Variants in IGF2R observed in about 807,000 individuals in gnomAD.
IGF2R encodes insulin like growth factor 2 receptor, also known as cation-independent mannose-6-phosphate receptor.
Under a neutral mutation model 270.6 loss-of-function variants are expected in IGF2R, and 91 were observed. The observed-to-expected ratio is 0.34, with a 90% CI of 0.28 to 0.40. The LOEUF is 0.40. IGF2R is among the 10% of genes least tolerant of loss of function. The pLI, the probability that IGF2R is intolerant of heterozygous loss-of-function variation, is 1.00. For synonymous variants in IGF2R, 1,316 were observed against 1,258.9 expected (o/e 1.05, Z -0.96); for missense variants, 2,805 against 3,188.3 (o/e 0.88, Z 2.90).
intron 1 of IGF2R, among the ~76,000 whole-genome samples, chr6:159,981,674 G>T (rs77888188): frequency 0.011 from 1,631 of 152,286 alleles, 29 homozygotes; most frequent in African/African-American, 0.037. Context: ...GGAGAGACTG[G>T]CTCACACAGC....
chr6:160,060,851 T>C lies in IGF2R; in HGVS notation c.3262+134T>C, dbSNP rs147418691. 828 of 742,754 alleles carry C rather than the reference T, an allele frequency of 1.1e-3. 9 individuals carry two copies. In the African/African-American group the frequency reaches 0.013, roughly 12 times the overall value. 46.0% of individuals were successfully genotyped at this position (742,754 alleles called of 1,614,324 possible). ...TGTATGCTTGGTTATGCAGGCAGCG[T>C]GACATTTCTGTTATATATTCTCTTT... is the stretch of plus-strand genomic sequence containing the variant. On this transcript the variant is annotated intron_variant, in intron 23 of 47. Transcript: ENST00000356956.
intron 25 of IGF2R, 39 bp downstream of exon 25, chr6:160,061,967 T>C (rs757614755): frequency 1.3e-6 from 2 of 1,553,318 alleles, no homozygotes; most frequent in Non-Finnish European, 1.8e-6. Flanking sequence ...TGTCCCCGGG[T>C]GACTCCATTT....
chr6:160,046,435 G>A (rs1778070496), intron 14 of IGF2R, 63 bp from the exon 15 acceptor site: 3 of 1,498,486 alleles, frequency 2.0e-6, no homozygotes, highest in Non-Finnish European at 2.7e-6. Flanking sequence ...ACTGTGGGGT[G>A]AGACCACTCT....
intron 19 of IGF2R, among the ~76,000 whole-genome samples, chr6:160,054,151 C>T (rs990188566): frequency 2.6e-5 from 4 of 152,104 alleles, no homozygotes; most frequent in Non-Finnish European, 4.4e-5. Context: ...CAGAAACAAG[C>T]GCTGGGAGGG....
chr6:160,002,178 C>T (rs1377010339), intron 2 of IGF2R, among the ~76,000 whole-genome samples: 1 of 152,032 alleles, frequency 6.6e-6, no homozygotes, highest in Non-Finnish European at 1.5e-5. Flanking sequence ...ATCACTTGAG[C>T]CCAGAAGTTT....
intron 30 of IGF2R, 21 bp downstream of exon 30, chr6:160,068,406 G>T: frequency 6.2e-7 from 1 of 1,612,540 alleles, no homozygotes; most frequent in African/African-American, 1.3e-5. Context: ...GCCTCCTCGT[G>T]GGGTGGTGTT....
chr6:160,029,635 T>A lies in IGF2R; in HGVS notation c.862T>A (p.Cys288Ser), dbSNP rs1328642629. Residue 288 changes from cysteine (C) to serine (S), a missense_variant, in exon 7 of 48, where the codon TGC becomes AGC. Coordinates refer to ENST00000356956, the MANE Select transcript of IGF2R (RefSeq NM_000876.4). The stretch of plus-strand genomic sequence containing the variant: ...CCCTGCGGTGACTATTACATTTGTT[T>A]GCCCGTCGGAGCGGAGAGAGGTAAG... The part of the protein sequence containing the change: ...HSPAVTITFV[C>S]PSERREGTIP... The A allele has an allele frequency of 6.2e-7, 1 of 1,613,566 alleles. No individual in the cohort carries two copies.
chr6:159,973,515 GT>G (rs1343590670), intron 1 of IGF2R, among the ~76,000 whole-genome samples: 1 of 152,158 alleles, frequency 6.6e-6, no homozygotes, highest in Non-Finnish European at 1.5e-5. Context: ...GTTGAGGTTG[GT>G]TTAGTTACTG....
intron 19 of IGF2R, among the ~76,000 whole-genome samples, chr6:160,052,827 T>C (rs930714658): frequency 7.9e-5 from 12 of 152,246 alleles, no homozygotes; most frequent in Admixed American, 4.6e-4. Context: ...AAACAAGAAA[T>C]GGGGAAAGGA....
chr6:160,041,658 C>T (rs1777949736), intron 11 of IGF2R, among the ~76,000 whole-genome samples: 1 of 152,180 alleles, frequency 6.6e-6, no homozygotes, highest in Non-Finnish European at 1.5e-5. Flanking sequence ...CTGAGTCCCA[C>T]CTGGTTTGCT....
chr6:160,064,976 G>A (rs1778532845), intron 29 of IGF2R, 75 bp downstream of exon 29: 1 of 939,136 alleles, frequency 1.1e-6, no homozygotes, highest in South Asian at 1.3e-5. Context: ...TAGTGGTCTT[G>A]GGTGCAGGGG....
At chr6:160,097,133 T>G (rs1327720650) in intron 45 of IGF2R, among the ~76,000 whole-genome samples, 1 of 152,250 alleles carries the variant, frequency 6.6e-6, no homozygotes, top group African/African-American at 2.4e-5. Context: ...ATGAAAAGCT[T>G]ACTCTCCAGA....
intron 4 of IGF2R, among the ~76,000 whole-genome samples, chr6:160,021,742 G>A (rs449276): frequency 0.29 from 43,307 of 151,732 alleles, 6,304 homozygotes; most frequent in South Asian, 0.34. Flanking sequence ...GATGTTGGCA[G>A]AGTTGCAGAA....
intron 37 of IGF2R, among the ~76,000 whole-genome samples, 180 bp downstream of exon 37, chr6:160,078,542 G>A (rs776203017): frequency 1.3e-5 from 2 of 152,214 alleles, no homozygotes; most frequent in East Asian, 1.9e-4. Flanking sequence ...CTTGGATTGC[G>A]TGGCCAACTC....
rs1400497570 is a variant in IGF2R, at chr6:160,071,942, G to A, written c.4476G>A (p.Glu1492=). The A allele has an allele frequency of 6.2e-7, 1 of 1,614,180 alleles. No individual in the cohort carries two copies. Among genetic ancestry groups the A allele is most frequent in the East Asian group, 2.2e-5 (1 of 44,880 alleles). Residue 1492 remains glutamate (E), a synonymous_variant, in exon 32 of 48, where the codon GAG becomes GAA. Coordinates refer to ENST00000356956, the MANE Select transcript of IGF2R (RefSeq NM_000876.4). ...GGCCCATGTTCATCAGCGCCGTGGA[G>A]GACTGTGAGTACACCTTTGCCTGGC... is the stretch of plus-strand genomic sequence containing the variant. ...NSRPMFISAV[E]DCEYTFAWPT...
intron 19 of IGF2R, among the ~76,000 whole-genome samples, chr6:160,054,638 G>A (rs1440200516): frequency 6.6e-6 from 1 of 152,188 alleles, no homozygotes; most frequent in Non-Finnish European, 1.5e-5. Flanking sequence ...ACCCCGTCAT[G>A]GACAGGAATG....
At chr6:159,995,737 C>T (rs781532447) in intron 2 of IGF2R, among the ~76,000 whole-genome samples, 6 of 151,834 alleles carry the variant, frequency 4.0e-5, no homozygotes, top group South Asian at 2.1e-4. Context: ...TATATTTTTC[C>T]GATTTCTTTG....
chr6:159,979,600 C>T (rs1163031898), intron 1 of IGF2R, among the ~76,000 whole-genome samples: 1 of 152,140 alleles, frequency 6.6e-6, no homozygotes, highest in Admixed American at 6.5e-5. Flanking sequence ...GAGGATGGGG[C>T]TGTTTTATTG....
intron 39 of IGF2R, among the ~76,000 whole-genome samples, chr6:160,080,538 G>A (rs1436494791): frequency 6.6e-6 from 1 of 152,224 alleles, no homozygotes; most frequent in Non-Finnish European, 1.5e-5. Context: ...TAGCTGGAGG[G>A]CCTTGTGTCC....
Sources: gnomAD v4.1 joint callset for allele counts (sites outside exome capture counted in the v4.1 genomes callset) on GRCh38, gnomAD v4.1.1 for gene constraint, MANE v1.5 for transcripts, NCBI Gene and HGNC (gene_info 2026-07-23, HGNC 2026-07-21) for gene names.